Variants in ARSB observed in about 807,000 individuals in gnomAD.
The protein encoded by ARSB is arylsulfatase B.
Under a neutral mutation model 50.9 loss-of-function variants are expected in ARSB, and 41 were observed. The ratio of observed to expected loss-of-function variants is 0.81; its 90% CI spans 0.63 to 1.04. The LOEUF (loss-of-function observed/expected upper bound fraction) is 1.04, where lower values mean the gene tolerates loss of function less well. ARSB is among the 50% of genes least tolerant of loss of function. The probability of loss-of-function intolerance (pLI) is 0.00; values close to 1 mark genes in which losing one functional copy is unlikely to be tolerated. For synonymous variants in ARSB, 269 were observed against 284.8 expected, an observed-to-expected ratio of 0.94 and a Z score of 0.56; for missense variants, 672 against 693.3, an observed-to-expected ratio of 0.97 and a Z score of 0.35.
At chr5:78,839,842 G>A (rs143630971) in intron 5 of ARSB, among the ~76,000 whole-genome samples, 1 of 152,260 alleles carries the variant, frequency 6.6e-6, no homozygotes, top group East Asian at 1.9e-4. Flanking sequence ...GATGCAACAT[G>A]CCTCTTAAAG....
chr5:78,796,577 G>C (rs1017023977), intron 6 of ARSB, among the ~76,000 whole-genome samples: 1 of 152,232 alleles, frequency 6.6e-6, no homozygotes, highest in Non-Finnish European at 1.5e-5. Flanking sequence ...GTGAGACAAT[G>C]CGTGCAAAGC....
intron 5 of ARSB, among the ~76,000 whole-genome samples, chr5:78,866,146 A>C (rs1041875582): frequency 6.6e-6 from 1 of 152,196 alleles, no homozygotes; most frequent in African/African-American, 2.4e-5. Context: ...CTGCTGATAA[A>C]GACATACCCA....
rs79697556 is a variant in ARSB at position 78,969,311 on chromosome 5, C to T, written c.313-119G>A. On this transcript the variant is annotated intron_variant, in intron 1 of 7. Coordinates refer to ENST00000264914, the MANE Select transcript of ARSB (RefSeq NM_000046.5). ...TTGACTTGGATGTTTAACTCTATTC[C>T]TGTACTGGCTTGAGGATATTTCTGA... The T allele has an allele frequency of 2.1e-3, 2,251 of 1,066,764 alleles. 24 individuals are homozygous for T. The African/African-American group carries it at 0.027, about 13-fold the overall frequency. 66.1% of individuals were successfully genotyped at this position (1,066,764 alleles called of 1,614,324 possible). A position where few individuals can be genotyped will look rare whatever the true frequency, so the allele number is the denominator to read the frequency against.
At chr5:78,781,205 G>A (rs1007371650) in intron 7 of ARSB, among the ~76,000 whole-genome samples, 37 of 151,866 alleles carry the variant, frequency 2.4e-4, no homozygotes, top group African/African-American at 9.0e-4. Flanking sequence ...TTAGCTAAAT[G>A]TGCTGTGCTT....
At chr5:78,876,175 T>C (rs1020000246) in intron 5 of ARSB, among the ~76,000 whole-genome samples, 2 of 151,804 alleles carry the variant, frequency 1.3e-5, no homozygotes, top group Non-Finnish European at 2.9e-5. Flanking sequence ...ATATATAAAA[T>C]TTCGCAACAT....
chr5:78,852,253 T>C (rs1335026692), intron 5 of ARSB, among the ~76,000 whole-genome samples: 1 of 152,232 alleles, frequency 6.6e-6, no homozygotes, highest in Non-Finnish European at 1.5e-5. Context: ...ACAGGCCTGG[T>C]GGTGACAAAA....
intron 4 of ARSB, among the ~76,000 whole-genome samples, chr5:78,940,586 G>C (rs973642026): frequency 2.0e-5 from 3 of 152,198 alleles, no homozygotes; most frequent in African/African-American, 7.2e-5. Flanking sequence ...TCAAAGATCA[G>C]ATAGTTAAAG....
At chr5:78,861,910 CAA>C (rs1190784154) in intron 5 of ARSB, among the ~76,000 whole-genome samples, 2 of 152,328 alleles carry the variant, frequency 1.3e-5, no homozygotes, top group East Asian at 3.9e-4. Context: ...GCAACTTCAA[CAA>C]AGTGTCTCAA....
chr5:78,911,933 T>G (rs944762907), intron 4 of ARSB, among the ~76,000 whole-genome samples: 1 of 152,202 alleles, frequency 6.6e-6, no homozygotes, highest in Non-Finnish European at 1.5e-5. Context: ...ATTATTTGAC[T>G]GAATTTGCAA....
intron 5 of ARSB, among the ~76,000 whole-genome samples, chr5:78,872,110 T>A (rs1410170668): frequency 4.0e-5 from 6 of 148,196 alleles, no homozygotes; most frequent in African/African-American, 7.3e-5. Flanking sequence ...TCAAAACCAC[T>A]ATGAGATATC....
chr5:78,808,287 T>C (rs1004998189), intron 6 of ARSB, among the ~76,000 whole-genome samples: 9 of 151,604 alleles, frequency 5.9e-5, no homozygotes, highest in African/African-American at 1.7e-4. Flanking sequence ...ATTTCATCGG[T>C]AAATATTTTG....
At chr5:78,852,157 G>A (rs868844291) in intron 5 of ARSB, among the ~76,000 whole-genome samples, 195 of 152,278 alleles carry the variant, frequency 1.3e-3, no homozygotes, top group African/African-American at 4.2e-3. Context: ...TCCTAGCCTC[G>A]ATGGTCTTTA....
rs117064037 is a variant in ARSB at position 78,793,072 on chromosome 5, C to T, written c.1214-11098G>A. On this transcript the variant is annotated intron_variant, in intron 6 of 7. Coordinates refer to ENST00000264914, the MANE Select transcript of ARSB (RefSeq NM_000046.5). ...AGCCTACAGTCCCTTTCATACCTGT[C>T]TTTGGTTCCCTTAGTCTAGCCCAGC... Among the ~76,000 whole-genome samples the T allele has an allele frequency of 5.6e-4, 85 of 152,306 alleles. 1 individual carries two copies. In the East Asian group the frequency reaches 0.013, roughly 24 times the overall value.
At chr5:78,968,845 C>T (rs1452386152) in intron 2 of ARSB, among the ~76,000 whole-genome samples, 161 bp downstream of exon 2, 1 of 152,156 alleles carries the variant, frequency 6.6e-6, no homozygotes, top group Admixed American at 6.5e-5. Flanking sequence ...GCACAGAGCC[C>T]TGTTTACAGA....
intron 6 of ARSB, among the ~76,000 whole-genome samples, chr5:78,785,772 G>T (rs978345589): frequency 6.6e-6 from 1 of 152,160 alleles, no homozygotes; most frequent in African/African-American, 2.4e-5. Context: ...GACTCTGCAG[G>T]TATGATTATA....
chr5:78,777,316 C>A lies in ARSB; in HGVS notation c.*3081G>T, dbSNP rs1219864552. ...GACACATTTAAAAATTGTAATAAAACATAAAACTTAACATTTTAACCACTT... is the reference window on the plus strand; with the variant it reads ...GACACATTTAAAAATTGTAATAAAAAATAAAACTTAACATTTTAACCACTT... On this transcript the variant is annotated 3_prime_UTR_variant, in exon 8 of 8. Transcript: ENST00000264914. The A allele has an allele frequency of 6.6e-6, 1 of 152,372 alleles. No individual in the cohort carries two copies. The highest frequency in any genetic ancestry group is 6.6e-5 in the Admixed American group (1 of 15,260). 9.4% of individuals were successfully genotyped at this position (152,372 alleles called of 1,614,324 possible). A position where few individuals can be genotyped will look rare whatever the true frequency, so the allele number is the denominator to read the frequency against.
chr5:78,873,498 A>ATATTTTTT (rs1554078141), intron 5 of ARSB, among the ~76,000 whole-genome samples: 1 of 93,214 alleles, frequency 1.1e-5, no homozygotes, highest in African/African-American at 3.9e-5. Context: ...TAAAACTGTA[A>ATATTTTTT]TTTTTTTTTT....
At chr5:78,950,352 C>T (rs1751443451) in intron 4 of ARSB, among the ~76,000 whole-genome samples, 1 of 152,048 alleles carries the variant, frequency 6.6e-6, no homozygotes, top group Admixed American at 6.5e-5. Context: ...ACTGGCCCAC[C>T]CTGCTTTGCC....
intron 4 of ARSB, among the ~76,000 whole-genome samples, chr5:78,951,324 T>C (rs1437551877): frequency 1.3e-5 from 2 of 149,716 alleles, no homozygotes; most frequent in African/African-American, 2.4e-5. Context: ...TGCTACTAAA[T>C]ACTATACTAT....
Sources: allele counts gnomAD v4.1 joint callset (sites outside exome capture counted in the v4.1 genomes callset), GRCh38; gene constraint gnomAD v4.1.1; transcripts MANE v1.5; gene names NCBI Gene and HGNC (gene_info 2026-07-23, HGNC 2026-07-21).